Variants in MGAT4C observed in about 807,000 individuals in gnomAD.
MGAT4C encodes MGAT4 family member C.
A neutral mutation model predicts 40.1 loss-of-function variants in MGAT4C; 19 were observed. The observed-to-expected ratio is 0.47, with a 90% CI of 0.33 to 0.70. The LOEUF (loss-of-function observed/expected upper bound fraction) is 0.70, where lower values mean the gene tolerates loss of function less well. Among genes scored for constraint, MGAT4C ranks in the 30% least tolerant of loss-of-function variants. The probability of loss-of-function intolerance (pLI) is 0.02; values close to 1 mark genes in which losing one functional copy is unlikely to be tolerated. For synonymous variants in MGAT4C, 181 were observed against 187.1 expected, an observed-to-expected ratio of 0.97 and a Z score of 0.27; for missense variants, 491 against 563.2, an observed-to-expected ratio of 0.87 and a Z score of 1.30.
chr12:86,084,071 C>T (rs2135550060), intron 1 of MGAT4C, among the ~76,000 whole-genome samples: 1 of 152,158 alleles, frequency 6.6e-6, no homozygotes, highest in Non-Finnish European at 1.5e-5. Context: ...ACAACTATTT[C>T]TGAGCATCAA....
intron 2 of MGAT4C, among the ~76,000 whole-genome samples, chr12:86,465,633 C>T (rs1050109273): frequency 3.9e-5 from 6 of 152,052 alleles, no homozygotes; most frequent in African/African-American, 7.2e-5. Flanking sequence ...AAAAGATGCT[C>T]CACAATATAT....
chr12:86,816,116 A>AT (rs1436352531), intron 1 of MGAT4C, among the ~76,000 whole-genome samples: 3 of 151,888 alleles, frequency 2.0e-5, no homozygotes, highest in African/African-American at 7.2e-5. Flanking sequence ...GTTGATCTTA[A>AT]TTTTAAAGGG....
chr12:86,617,050 T>C (rs1019683226), intron 2 of MGAT4C, among the ~76,000 whole-genome samples: 54 of 152,174 alleles, frequency 3.5e-4, no homozygotes, highest in African/African-American at 1.2e-3. Flanking sequence ...ACTACAGCAA[T>C]GGACTGTATT....
At chr12:86,741,905 T>G (rs1405058389) in intron 1 of MGAT4C, among the ~76,000 whole-genome samples, 1 of 151,462 alleles carries the variant, frequency 6.6e-6, no homozygotes, top group Non-Finnish European at 1.5e-5. Context: ...TATTTAAAAG[T>G]AAACAAGCAA....
At chr12:86,694,676 T>C (rs1256455646) in intron 2 of MGAT4C, among the ~76,000 whole-genome samples, 1 of 152,196 alleles carries the variant, frequency 6.6e-6, no homozygotes, top group Non-Finnish European at 1.5e-5. Flanking sequence ...ATCAAGGTTA[T>C]TTATACATCA....
intron 1 of MGAT4C, among the ~76,000 whole-genome samples, chr12:86,767,283 T>C (rs1951529409): frequency 1.3e-5 from 2 of 152,316 alleles, no homozygotes; most frequent in East Asian, 1.9e-4. Context: ...GATAAATTCC[T>C]CGACACATAA....
At chr12:86,446,687 A>ATATATATATATACATAT (rs1957345653) in intron 2 of MGAT4C, among the ~76,000 whole-genome samples, 2 of 127,252 alleles carry the variant, frequency 1.6e-5, no homozygotes, top group Non-Finnish European at 3.3e-5. Context: ...ATATATATAT[A>ATATATATATATACATAT]TATATATATA....
chr12:86,112,022 T>C (rs919559505), intron 1 of MGAT4C, among the ~76,000 whole-genome samples: 11 of 151,832 alleles, frequency 7.2e-5, no homozygotes, highest in African/African-American at 2.4e-4. Context: ...AGTATACATA[T>C]GTATATAAGT....
intron 2 of MGAT4C, among the ~76,000 whole-genome samples, chr12:86,482,595 G>A (rs573256996): frequency 4.6e-5 from 7 of 151,938 alleles, no homozygotes; most frequent in East Asian, 1.9e-4. Flanking sequence ...ATTTATTCTC[G>A]AGAAAGTATT....
rs551296756 is a variant in MGAT4C at position 86,613,408 on chromosome 12, A to G, written c.-229+113801T>C. On this transcript the variant is annotated intron_variant, in intron 2 of 7. Transcript: ENST00000548651. The stretch of plus-strand genomic sequence containing the variant: ...TCAACTTTTAGATAAAGTGGCAATC[A>G]ATCCGACAAAGTAAGTATTGGGACT... 3.3e-5 allele frequency among the ~76,000 whole-genome samples: 5 copies of G among 152,310 alleles called. No homozygotes were observed. The East Asian group carries it at 7.7e-4, about 24-fold the overall frequency.
At chr12:86,045,514 A>G (rs1892314043) in intron 2 of MGAT4C, among the ~76,000 whole-genome samples, 1 of 152,208 alleles carries the variant, frequency 6.6e-6, no homozygotes, top group African/African-American at 2.4e-5. Flanking sequence ...ATTATCTTTG[A>G]GGTGGAGAGA....
rs531355806 is a variant in MGAT4C, at chr12:86,386,648, C to A, written c.-120+48509G>T. Among the ~76,000 whole-genome samples the A allele has an allele frequency of 2.0e-5, 3 of 151,892 alleles. No individual in the cohort carries two copies. The South Asian group carries it at 6.2e-4, about 32-fold the overall frequency. Reference sequence around the variant, plus strand: ...TTCAATGCTTGTTTCACATTGTGATCGAAAGTAAAATGATAAGAAATTGTT... The same window carrying A: ...TTCAATGCTTGTTTCACATTGTGATAGAAAGTAAAATGATAAGAAATTGTT... On this transcript the variant is annotated intron_variant, in intron 3 of 7. Coordinates refer to the MGAT4C transcript ENST00000548651.
At chr12:86,114,979 A>G (rs1592979149) in intron 1 of MGAT4C, among the ~76,000 whole-genome samples, 2 of 152,060 alleles carry the variant, frequency 1.3e-5, no homozygotes, top group East Asian at 3.9e-4. Flanking sequence ...AACCTAACAG[A>G]ATTCATCTGT....
At chr12:86,442,319 C>A (rs1234220893) in intron 2 of MGAT4C, among the ~76,000 whole-genome samples, 4 of 152,150 alleles carry the variant, frequency 2.6e-5, no homozygotes, top group African/African-American at 9.7e-5. Context: ...ATGCTAGTTT[C>A]TTTTGCTGTG....
chr12:86,767,271 T>C (rs1370011898), intron 1 of MGAT4C, among the ~76,000 whole-genome samples: 2 of 152,080 alleles, frequency 1.3e-5, no homozygotes, highest in Admixed American at 1.3e-4. Context: ...CTAGAAGAAA[T>C]GGATAAATTC....
At chr12:86,596,182 TAAATAA>T (rs1466219889) in intron 2 of MGAT4C, among the ~76,000 whole-genome samples, 1 of 142,364 alleles carries the variant, frequency 7.0e-6, no homozygotes, top group Non-Finnish European at 1.5e-5. Flanking sequence ...AATTATGAGA[TAAATAA>T]AATCACGGAT....
At chr12:86,649,724 G>A (rs7973223) in intron 2 of MGAT4C, among the ~76,000 whole-genome samples, 145,029 of 151,820 alleles carry the variant, frequency 0.96, 69,508 homozygotes, top group Non-Finnish European at 1. Flanking sequence ...TCTAAAGGCC[G>A]TTATTTTATG....
At chr12:86,625,979 T>C (rs938595864) in intron 2 of MGAT4C, among the ~76,000 whole-genome samples, 1 of 152,156 alleles carries the variant, frequency 6.6e-6, no homozygotes, top group African/African-American at 2.4e-5. Context: ...CCCACCTATA[T>C]GCTGCCTTCA....
chr12:86,500,141 T>C (rs1440160360), intron 2 of MGAT4C, among the ~76,000 whole-genome samples: 1 of 152,008 alleles, frequency 6.6e-6, no homozygotes, highest in East Asian at 1.9e-4. Context: ...TATGTGTATA[T>C]ATACATGTAT....
Sources: gnomAD v4.1 joint callset for allele counts (sites outside exome capture counted in the v4.1 genomes callset) on GRCh38, gnomAD v4.1.1 for gene constraint, MANE v1.5 for transcripts, NCBI Gene and HGNC (gene_info 2026-07-23, HGNC 2026-07-21) for gene names.